The following SLC24A2 variants were observed in gnomAD, a reference collection of about 807,000 sequenced individuals.
SLC24A2 encodes sodium/potassium/calcium exchanger 2.
In SLC24A2, 36 loss-of-function variants were observed where a neutral mutation model predicts 62.0. That is an observed-to-expected ratio of 0.58 (90% CI 0.44 to 0.77). SLC24A2 has a LOEUF of 0.77. Among genes scored for constraint, SLC24A2 ranks in the 30% least tolerant of loss-of-function variants. The pLI is 0.00. For synonymous variants in SLC24A2, 358 were observed against 294.0 expected (o/e 1.22, Z -2.23); for missense variants, 846 against 817.9 (o/e 1.03, Z -0.42).
At chr9:19,810,204 G>T in the SLC24A2 span, among the ~76,000 whole-genome samples, 3 of 152,132 alleles carry the variant, frequency 2.0e-5, no homozygotes, top group Non-Finnish European at 4.4e-5. Flanking sequence ...CCAGCTCCCC[G>T]AGGAGCACCT....
chr9:19,706,342 G>A (rs1339392375), intron 2 of SLC24A2, among the ~76,000 whole-genome samples: 1 of 150,956 alleles, frequency 6.6e-6, no homozygotes, highest in African/African-American at 2.4e-5. Context: ...CATGTGAGAT[G>A]GGTTTCCTGA....
chr9:19,647,804 GA>G (rs1281688312), intron 2 of SLC24A2, among the ~76,000 whole-genome samples: 3 of 152,164 alleles, frequency 2.0e-5, no homozygotes, highest in Non-Finnish European at 2.9e-5. Flanking sequence ...ATTAGTAGAT[GA>G]AAAAATACTT....
the SLC24A2 span, among the ~76,000 whole-genome samples, chr9:20,068,280 T>G: frequency 6.6e-6 from 1 of 152,050 alleles, no homozygotes; most frequent in Non-Finnish European, 1.5e-5. Context: ...GCCAGGCTGG[T>G]TGTGAACTCC....
rs201571272 is a variant in SLC24A2 at position 19,739,342 on chromosome 9, G to A, written c.930+46595C>T. 1.2e-4 allele frequency among the ~76,000 whole-genome samples: 19 copies of A among 152,220 alleles called. No homozygotes were observed. The East Asian group carries it at 3.3e-3, about 26-fold the overall frequency. On this transcript the variant is annotated intron_variant, in intron 2 of 10. Transcript: ENST00000341998. The stretch of plus-strand genomic sequence containing the variant: ...TATCAGGTAATTTGAAAGTTGACAA[G>A]CTAATTTAAAATTTATTTGAAAATT...
the SLC24A2 span, among the ~76,000 whole-genome samples, chr9:19,803,532 A>T: frequency 0.82 from 125,393 of 152,010 alleles, 52,680 homozygotes; most frequent in Non-Finnish European, 0.92. Context: ...TATAATTTTT[A>T]AAAAATCTGG....
chr9:19,532,558 T>C (rs1217335533), intron 8 of SLC24A2, among the ~76,000 whole-genome samples: 2 of 152,230 alleles, frequency 1.3e-5, no homozygotes, highest in Non-Finnish European at 2.9e-5. Context: ...ATGCAGAGCC[T>C]GCAGATATGA....
chr9:20,047,797 C>G, the SLC24A2 span, among the ~76,000 whole-genome samples: 3 of 151,360 alleles, frequency 2.0e-5, no homozygotes, highest in African/African-American at 7.3e-5. Context: ...ATACCATCAC[C>G]TTGGGGGTTA....
chr9:19,944,453 A>T, the SLC24A2 span, among the ~76,000 whole-genome samples: 1 of 152,154 alleles, frequency 6.6e-6, no homozygotes, highest in Non-Finnish European at 1.5e-5. Context: ...AAAAAAAAAA[A>T]AAAAAAGGAA....
chr9:19,607,741 A>T (rs542693485), intron 4 of SLC24A2, among the ~76,000 whole-genome samples: 1 of 150,230 alleles, frequency 6.7e-6, no homozygotes, highest in South Asian at 2.1e-4. Flanking sequence ...AAAAAAAAAA[A>T]TCAACTTTTT....
At chr9:19,572,212 A>G (rs1352243856) in intron 7 of SLC24A2, among the ~76,000 whole-genome samples, 1 of 125,834 alleles carries the variant, frequency 7.9e-6, no homozygotes, top group Non-Finnish European at 1.6e-5. Flanking sequence ...GTGAGCTGAG[A>G]TTGAGTCACT....
the SLC24A2 span, among the ~76,000 whole-genome samples, chr9:19,852,060 T>C: frequency 6.6e-6 from 1 of 152,236 alleles, no homozygotes. Flanking sequence ...GTGGTTTTGA[T>C]TTGCATTTCT....
At chr9:19,657,616 A>T (rs1051309861) in intron 2 of SLC24A2, among the ~76,000 whole-genome samples, 21 of 151,696 alleles carry the variant, frequency 1.4e-4, no homozygotes, top group Admixed American at 3.3e-4. Flanking sequence ...GCTTTCCCTT[A>T]TCCCTAATCT....
intron 2 of SLC24A2, among the ~76,000 whole-genome samples, chr9:19,668,969 T>G (rs1256294358): frequency 6.6e-6 from 1 of 152,232 alleles, no homozygotes; most frequent in Admixed American, 6.5e-5. Flanking sequence ...TTCATCAGCC[T>G]GTCTCTGTTG....
At chr9:19,961,642 C>A in the SLC24A2 span, among the ~76,000 whole-genome samples, 1 of 152,188 alleles carries the variant, frequency 6.6e-6, no homozygotes. Context: ...ATACTCTCTT[C>A]CTGTCAAGTG....
chr9:20,188,543 G>A, the SLC24A2 span, among the ~76,000 whole-genome samples: 8 of 152,278 alleles, frequency 5.3e-5, no homozygotes, highest in African/African-American at 1.9e-4. Context: ...TGTATATGGT[G>A]AAAAGGGCTT....
chr9:20,019,139 AAGAAAGAAAGAAAGAAAGAGAGAGAGAC>A, the SLC24A2 span, among the ~76,000 whole-genome samples: 1 of 128,318 alleles, frequency 7.8e-6, no homozygotes, highest in African/African-American at 3.3e-5. Flanking sequence ...GAAAGAAAGA[AAGAAAGAAAGAAAGAAAGAGAGAGAGAC>A]AGAAAGAAAG....
chr9:19,634,519 C>T (rs1217110289), intron 2 of SLC24A2, among the ~76,000 whole-genome samples: 1 of 152,106 alleles, frequency 6.6e-6, no homozygotes, highest in African/African-American at 2.4e-5. Context: ...AACTCCCAAC[C>T]TCAGGTGATC....
chr9:19,552,732 C>T (rs1225813565), intron 7 of SLC24A2, among the ~76,000 whole-genome samples: 1 of 152,212 alleles, frequency 6.6e-6, no homozygotes, highest in African/African-American at 2.4e-5. Flanking sequence ...ATTTTAATGA[C>T]ACCAACAGAT....
the SLC24A2 span, among the ~76,000 whole-genome samples, chr9:20,055,842 C>T: frequency 5.9e-5 from 9 of 152,002 alleles, no homozygotes; most frequent in South Asian, 2.1e-4. Flanking sequence ...TGAGCCGAGA[C>T]GGCACCACTG....
Sources: allele counts gnomAD v4.1 joint callset (sites outside exome capture counted in the v4.1 genomes callset), GRCh38; gene constraint gnomAD v4.1.1; transcripts MANE v1.5; gene names NCBI Gene and HGNC (gene_info 2026-07-23, HGNC 2026-07-21).